The following C1orf87 variants were observed in gnomAD, a reference collection of about 807,000 sequenced individuals.
C1orf87 encodes chromosome 1 open reading frame 87, also known as uncharacterized protein C1orf87.
C1orf87 carries 58 observed loss-of-function variants against 60.5 expected under a neutral mutation model. The ratio of observed to expected loss-of-function variants is 0.96; its 90% CI spans 0.78 to 1.19. The LOEUF (loss-of-function observed/expected upper bound fraction) is 1.19. Among genes scored for constraint, C1orf87 ranks in the 50% most tolerant of loss-of-function variants. The pLI, the probability that C1orf87 is intolerant of heterozygous loss-of-function variation, is 0.00. For synonymous variants in C1orf87, 236 were observed against 227.4 expected, an observed-to-expected ratio of 1.04 and a Z score of -0.34; for missense variants, 673 against 638.6, an observed-to-expected ratio of 1.05 and a Z score of -0.58.
intron 2 of C1orf87, among the ~76,000 whole-genome samples, chr1:60,059,343 G>T (rs534213095): frequency 8.5e-5 from 13 of 152,346 alleles, no homozygotes; most frequent in East Asian, 1.9e-4. Flanking sequence ...TTCCGCATAT[G>T]TACTTCTGAC....
intron 6 of C1orf87, among the ~76,000 whole-genome samples, chr1:60,034,732 TC>T (rs1402951850): frequency 6.6e-6 from 1 of 152,168 alleles, no homozygotes; most frequent in Non-Finnish European, 1.5e-5. Flanking sequence ...TTTGTTCTTT[TC>T]CTTAATAGGT....
rs188213135 is a variant in C1orf87, at chr1:60,030,805, T to C, written c.1029+2671A>G. Among the ~76,000 whole-genome samples, 345 of 152,348 alleles carry C rather than the reference T, an allele frequency of 2.3e-3. 2 individuals carry two copies. The highest frequency in any genetic ancestry group is 8.1e-3 in the African/African-American group (335 of 41,574). On this transcript the variant is annotated intron_variant, in intron 7 of 11. Transcript: ENST00000371201. Reference sequence around the variant, plus strand: ...AGTCCTGACAGAAACCATCATTGCATTGAAGGTATGCTAGAGGAACAGGAT... The same window carrying C: ...AGTCCTGACAGAAACCATCATTGCACTGAAGGTATGCTAGAGGAACAGGAT...
At chr1:60,053,806 A>G (rs973859422) in intron 3 of C1orf87, among the ~76,000 whole-genome samples, 3 of 152,076 alleles carry the variant, frequency 2.0e-5, no homozygotes, top group African/African-American at 7.2e-5. Flanking sequence ...AAGTAAAGAA[A>G]AAAAAGAAAA....
intron 7 of C1orf87, among the ~76,000 whole-genome samples, chr1:60,032,229 G>A (rs1407544015): frequency 6.6e-6 from 1 of 151,838 alleles, no homozygotes; most frequent in African/African-American, 2.4e-5. Flanking sequence ...GGATTTTTTG[G>A]CCTATAATTT....
At chr1:60,023,416 T>C (rs978767450) in intron 8 of C1orf87, among the ~76,000 whole-genome samples, 1 of 152,194 alleles carries the variant, frequency 6.6e-6, no homozygotes, top group Non-Finnish European at 1.5e-5. Context: ...TTACATAGTG[T>C]CCGTATCTAT....
At chr1:60,051,455 T>C (rs1645413796) in intron 3 of C1orf87, among the ~76,000 whole-genome samples, 1 of 152,170 alleles carries the variant, frequency 6.6e-6, no homozygotes, top group African/African-American at 2.4e-5. Context: ...TTTCCATCAG[T>C]ATGAGAAGGA....
At chr1:60,043,638 C>A (rs1044559208) in intron 3 of C1orf87, among the ~76,000 whole-genome samples, 2 of 152,118 alleles carry the variant, frequency 1.3e-5, no homozygotes, top group Admixed American at 1.3e-4. Flanking sequence ...CCCGCCTTGG[C>A]CTCCCAAAGT....
At chr1:60,073,368 A>G (rs1393320044) in intron 1 of C1orf87, among the ~76,000 whole-genome samples, 5 of 152,234 alleles carry the variant, frequency 3.3e-5, no homozygotes, top group Admixed American at 3.3e-4. Flanking sequence ...AAAGGCCTTT[A>G]GAAATCATTC....
intron 9 of C1orf87, among the ~76,000 whole-genome samples, chr1:60,006,710 T>G (rs948583936): frequency 1.3e-5 from 2 of 152,040 alleles, no homozygotes; most frequent in African/African-American, 4.8e-5. Context: ...CCTTACCATG[T>G]TTAGAGGGGC....
At chr1:60,053,978 TA>T (rs1404892061) in intron 3 of C1orf87, among the ~76,000 whole-genome samples, 1 of 152,206 alleles carries the variant, frequency 6.6e-6, no homozygotes, top group Non-Finnish European at 1.5e-5. Flanking sequence ...AATCAGTCAA[TA>T]ATAACGTCTT....
chr1:60,064,722 ATT>A, intron 2 of C1orf87, among the ~76,000 whole-genome samples: 1 of 99,762 alleles, frequency 1.0e-5, no homozygotes, highest in Non-Finnish European at 1.8e-5. Flanking sequence ...ATATAAATAT[ATT>A]TAAATATATT....
In C1orf87 at chr1:60,018,754, G is replaced by T. The variant is rs187131061; in HGVS notation, c.1127+6647C>A. On this transcript the variant is annotated intron_variant, in intron 8 of 11. Coordinates refer to ENST00000371201, the MANE Select transcript of C1orf87 (RefSeq NM_152377.3). The stretch of plus-strand genomic sequence containing the variant: ...AAGGCAGACTCTCATGTCCAAAGCT[G>T]GCACAGTGGAAATTCATTGACTAAG... 1.6e-4 allele frequency among the ~76,000 whole-genome samples: 25 copies of T among 152,192 alleles called. 1 individual carries two copies. The South Asian group carries it at 3.9e-3, about 24-fold the overall frequency.
intron 3 of C1orf87, among the ~76,000 whole-genome samples, chr1:60,042,080 G>T (rs1645329301): frequency 6.6e-6 from 1 of 152,152 alleles, no homozygotes. Flanking sequence ...TCCTCAAGTA[G>T]CCCGATGTGG....
At chr1:60,002,481 T>G (rs1372351335) in intron 9 of C1orf87, among the ~76,000 whole-genome samples, 2 of 152,130 alleles carry the variant, frequency 1.3e-5, no homozygotes, top group Non-Finnish European at 2.9e-5. Flanking sequence ...ATGGGGTTGT[T>G]TGTTTTTTTC....
Position 60,033,625 on chromosome 1 carries a change from A to C in C1orf87, c.880T>G (p.Ser294Ala), listed in dbSNP as rs367738682. 1.2e-6 allele frequency: 2 copies of C among 1,612,594 alleles called. No homozygotes were observed. Among genetic ancestry groups the C allele is most frequent in the African/African-American group, 2.7e-5 (2 of 74,872 alleles). Reference sequence around the variant, plus strand: ...CTGTTCACTTCTGGCTGTGAGCTGGAGTGCTGAGGTGGAGTGCTGATTGTA... The same window carrying C: ...CTGTTCACTTCTGGCTGTGAGCTGGCGTGCTGAGGTGGAGTGCTGATTGTA... ...THSQSTPPQH[S>A]SSQPEVNRSL... The change falls in exon 7 of 12, where the codon TCC becomes GCC. Residue 294 changes from serine to alanine, a missense_variant. Physicochemically the swap from Ser to Ala is moderately conservative, Grantham distance 99 (BLOSUM62 1). Transcript: ENST00000371201.
intron 11 of C1orf87, among the ~76,000 whole-genome samples, chr1:59,996,100 G>T (rs1644961965): frequency 6.6e-6 from 1 of 151,840 alleles, no homozygotes; most frequent in African/African-American, 2.4e-5. Context: ...AAGAGTCCCT[G>T]GATTTTGTAT....
intron 7 of C1orf87, among the ~76,000 whole-genome samples, chr1:60,029,877 G>A (rs1645224746): frequency 6.6e-6 from 1 of 151,852 alleles, no homozygotes; most frequent in South Asian, 2.1e-4. Flanking sequence ...TTGACCTTGT[G>A]ATCCGCCCAC....
intron 9 of C1orf87, among the ~76,000 whole-genome samples, chr1:60,005,711 G>A (rs1457617527): frequency 6.6e-6 from 1 of 152,002 alleles, no homozygotes; most frequent in African/African-American, 2.4e-5. Flanking sequence ...AGAGAAATGG[G>A]TGAAGTGTTC....
intron 9 of C1orf87, among the ~76,000 whole-genome samples, chr1:60,007,205 C>T (rs1001425633): frequency 2.0e-5 from 3 of 152,050 alleles, no homozygotes; most frequent in African/African-American, 7.2e-5. Context: ...AGCCACAGCA[C>T]CCAGACTCTT....
Sources: gnomAD v4.1 joint callset for allele counts (sites outside exome capture counted in the v4.1 genomes callset) on GRCh38, gnomAD v4.1.1 for gene constraint, MANE v1.5 for transcripts, NCBI Gene and HGNC (gene_info 2026-07-23, HGNC 2026-07-21) for gene names.